The following BNC2 variants were observed in gnomAD, a reference collection of about 807,000 sequenced individuals.
The protein encoded by BNC2 is basonuclin zinc finger protein 2, also known as zinc finger protein basonuclin-2.
Under a neutral mutation model 76.3 loss-of-function variants are expected in BNC2, and 20 were observed. The observed-to-expected ratio is 0.26, with a 90% CI of 0.18 to 0.38. The LOEUF (loss-of-function observed/expected upper bound fraction) is 0.38. Ranked by LOEUF, BNC2 falls within the 10% of genes least tolerant of loss-of-function variation. BNC2 has a pLI of 1.00. For missense variants in BNC2, 1,382 were observed against 1,399.8 expected (o/e 0.99, Z 0.20); for synonymous variants, 582 against 514.8 (o/e 1.13, Z -1.77).
chr9:16,522,486 C>A (rs1256422345), intron 5 of BNC2, among the ~76,000 whole-genome samples: 1 of 152,084 alleles, frequency 6.6e-6, no homozygotes, highest in African/African-American at 2.4e-5. Flanking sequence ...TGCTGGCAAG[C>A]GACTAAAAGG....
At chr9:16,531,739 T>A (rs1817981257) in intron 5 of BNC2, among the ~76,000 whole-genome samples, 1 of 152,224 alleles carries the variant, frequency 6.6e-6, no homozygotes, top group Non-Finnish European at 1.5e-5. Context: ...TTTTTCTTCT[T>A]AATCATGCAC....
chr9:16,754,456 A>C (rs568285314), intron 1 of BNC2, among the ~76,000 whole-genome samples: 1 of 152,290 alleles, frequency 6.6e-6, no homozygotes, highest in East Asian at 1.9e-4. Flanking sequence ...TGCTATTTTA[A>C]TCCAGATCTA....
chr9:16,481,263 TG>T (rs1447641882), intron 5 of BNC2, among the ~76,000 whole-genome samples: 1 of 151,992 alleles, frequency 6.6e-6, no homozygotes, highest in Non-Finnish European at 1.5e-5. Context: ...AGGATGTGGG[TG>T]GGGCCACATA....
chr9:16,707,703 A>C lies in BNC2; in HGVS notation c.330+20094T>G, dbSNP rs192827661. On this transcript the variant is annotated intron_variant, in intron 3 of 6. Transcript: ENST00000380672. The stretch of plus-strand genomic sequence containing the variant: ...GTTGCCCGGGCTGGAGTGCAGTGGC[A>C]CGGTTTCAGTTCACTGCAACCTCCA... 1.4e-4 allele frequency among the ~76,000 whole-genome samples: 21 copies of C among 152,300 alleles called. No individual in the cohort carries two copies. The East Asian group carries it at 1.9e-3, about 14-fold the overall frequency.
intron 4 of BNC2, among the ~76,000 whole-genome samples, chr9:16,563,380 A>G (rs532096918): frequency 7.2e-4 from 109 of 152,236 alleles, no homozygotes; most frequent in African/African-American, 2.6e-3. Flanking sequence ...GCACTTTGGG[A>G]GGCCTAGGAG....
At chr9:16,669,685 A>T (rs2134163740) in intron 3 of BNC2, among the ~76,000 whole-genome samples, 1 of 152,326 alleles carries the variant, frequency 6.6e-6, no homozygotes, top group Non-Finnish European at 1.5e-5. Flanking sequence ...CCTTCCATCT[A>T]CCTGCACAAA....
At chr9:16,631,034 C>T (rs1000707543) in intron 3 of BNC2, among the ~76,000 whole-genome samples, 5 of 152,182 alleles carry the variant, frequency 3.3e-5, no homozygotes, top group Admixed American at 6.5e-5. Flanking sequence ...CCACCATGTC[C>T]GGCCTGGAGC....
chr9:16,620,265 A>C (rs762997767), intron 3 of BNC2, among the ~76,000 whole-genome samples: 1 of 152,212 alleles, frequency 6.6e-6, no homozygotes, highest in Non-Finnish European at 1.5e-5. Flanking sequence ...CTCACTGGAA[A>C]TAAAGATCAG....
At chr9:16,620,837 T>A (rs192210239) in intron 3 of BNC2, among the ~76,000 whole-genome samples, 35 of 152,294 alleles carry the variant, frequency 2.3e-4, no homozygotes, top group Non-Finnish European at 3.4e-4. Context: ...AGAACACTGA[T>A]CTAAATAGCA....
intron 1 of BNC2, 30 bp downstream of exon 1, chr9:16,870,616 A>G (rs749511696): frequency 3.1e-6 from 5 of 1,609,472 alleles, no homozygotes; most frequent in African/African-American, 2.7e-5. Flanking sequence ...AGTCTAGAAT[A>G]AAAGAGGAAG....
chr9:16,792,268 G>C (rs1379487216), intron 1 of BNC2, among the ~76,000 whole-genome samples: 1 of 152,032 alleles, frequency 6.6e-6, no homozygotes, highest in African/African-American at 2.4e-5. Context: ...AAAGCATAAA[G>C]AAGTCAAATA....
At chr9:16,815,552 T>A (rs941677642) in intron 1 of BNC2, among the ~76,000 whole-genome samples, 3 of 152,200 alleles carry the variant, frequency 2.0e-5, no homozygotes, top group African/African-American at 7.2e-5. Flanking sequence ...GATAAGTCAA[T>A]GATGATAGAG....
chr9:16,427,286 A>G (rs780532886), intron 6 of BNC2, among the ~76,000 whole-genome samples: 6 of 152,210 alleles, frequency 3.9e-5, no homozygotes, highest in African/African-American at 9.6e-5. Flanking sequence ...CAACAGGCAG[A>G]AGCAAAATTG....
chr9:16,574,306 T>C (rs1252025918), intron 4 of BNC2, among the ~76,000 whole-genome samples: 1 of 152,130 alleles, frequency 6.6e-6, no homozygotes, highest in African/African-American at 2.4e-5. Context: ...TCGAAGCACT[T>C]CACATGCAAA....
chr9:16,861,764 A>T (rs1397453567), intron 1 of BNC2, among the ~76,000 whole-genome samples: 2 of 152,166 alleles, frequency 1.3e-5, no homozygotes, highest in East Asian at 1.9e-4. Context: ...CCGAGGCGGG[A>T]GGATGACGAG....
intron 5 of BNC2, among the ~76,000 whole-genome samples, chr9:16,518,613 T>G: frequency 6.6e-6 from 1 of 151,798 alleles, no homozygotes; most frequent in African/African-American, 2.4e-5. Context: ...TGTTTGTTTT[T>G]TGTTTTTTGT....
In BNC2 at chr9:16,592,657, T is replaced by C. The variant is rs112748277; in HGVS notation, c.331-9572A>G. ...GAGTATTTTAAATGGGTGGAATGTA[T>C]GGTAAGTGAAACATATCTCAATCAA... is the stretch of plus-strand genomic sequence containing the variant. On this transcript the variant is annotated intron_variant, in intron 3 of 6. Transcript: ENST00000380672. Among the ~76,000 whole-genome samples, 819 of 152,254 alleles carry C rather than the reference T, an allele frequency of 5.4e-3. 5 individuals are homozygous for C. The highest frequency in any genetic ancestry group is 0.019 in the African/African-American group (771 of 41,548).
chr9:16,717,309 A>G (rs570023904), intron 3 of BNC2, among the ~76,000 whole-genome samples: 1 of 152,308 alleles, frequency 6.6e-6, no homozygotes, highest in Non-Finnish European at 1.5e-5. Context: ...CCAAGACTAA[A>G]CTTACTTTCT....
intron 3 of BNC2, among the ~76,000 whole-genome samples, chr9:16,639,526 G>A (rs893438708): frequency 6.6e-6 from 1 of 151,800 alleles, no homozygotes; most frequent in African/African-American, 2.4e-5. Context: ...GTGCCTCTTC[G>A]TTAATTCTCA....
Sources: allele counts gnomAD v4.1 joint callset (sites outside exome capture counted in the v4.1 genomes callset), GRCh38; gene constraint gnomAD v4.1.1; transcripts MANE v1.5; gene names NCBI Gene and HGNC (gene_info 2026-07-23, HGNC 2026-07-21).